Variants in HPSE2 observed in about 807,000 individuals in gnomAD.
HPSE2 encodes the protein inactive heparanase-2.
Under a neutral mutation model 60.5 loss-of-function variants are expected in HPSE2, and 38 were observed. The ratio of observed to expected loss-of-function variants is 0.63; its 90% CI spans 0.48 to 0.82. HPSE2 has a LOEUF of 0.82. Among genes scored for constraint, HPSE2 ranks in the 40% least tolerant of loss-of-function variants. HPSE2 has a pLI of 0.00. For missense variants in HPSE2, 713 were observed against 740.4 expected, an observed-to-expected ratio of 0.96 and a Z score of 0.43; for synonymous variants, 295 against 293.2, an observed-to-expected ratio of 1.01 and a Z score of -0.06.
intron 11 of HPSE2, among the ~76,000 whole-genome samples, chr10:98,460,056 T>C (rs1020015768): frequency 6.6e-6 from 1 of 152,132 alleles, no homozygotes; most frequent in Non-Finnish European, 1.5e-5. Context: ...TCTACCTCCA[T>C]AGACACATTT....
At chr10:98,654,349 C>G (rs1947001333) in intron 6 of HPSE2, among the ~76,000 whole-genome samples, 1 of 152,132 alleles carries the variant, frequency 6.6e-6, no homozygotes, top group South Asian at 2.1e-4. Context: ...TCTCCTTCTG[C>G]TATTCTAATT....
intron 2 of HPSE2, among the ~76,000 whole-genome samples, chr10:99,170,583 C>T (rs1279650736): frequency 6.6e-6 from 1 of 152,198 alleles, no homozygotes; most frequent in Non-Finnish European, 1.5e-5. Flanking sequence ...TTCATCGGTA[C>T]ACTAGAACTC....
At position 99,202,511 on chromosome 10, in the gene HPSE2, C is replaced by A. The variant is rs1848608522; in HGVS notation, c.448+29837G>T. Among the ~76,000 whole-genome samples, 3 of 152,110 alleles carry A rather than the reference C, an allele frequency of 2.0e-5. No homozygotes were observed. The South Asian group carries it at 6.2e-4, about 32-fold the overall frequency. On this transcript the variant is annotated intron_variant, in intron 2 of 11. Transcript: ENST00000370552. ...TAAAGCTGGGACAAGTTATTTAACC[C>A]CTGCTGAACTTCAGTTTCCTCATCT...
chr10:98,943,131 A>G (rs1204066527), intron 3 of HPSE2, among the ~76,000 whole-genome samples: 2 of 151,272 alleles, frequency 1.3e-5, no homozygotes, highest in Admixed American at 1.3e-4. Flanking sequence ...ACCTAATGCT[A>G]AATGACGAGT....
At chr10:99,210,967 G>A (rs1160489066) in intron 2 of HPSE2, among the ~76,000 whole-genome samples, 2 of 152,124 alleles carry the variant, frequency 1.3e-5, no homozygotes, top group South Asian at 4.1e-4. Flanking sequence ...TGGAAAGGAA[G>A]AAGTTAGACT....
intron 9 of HPSE2, among the ~76,000 whole-genome samples, chr10:98,490,404 C>T (rs1007753677): frequency 6.6e-6 from 1 of 152,154 alleles, no homozygotes; most frequent in African/African-American, 2.4e-5. Flanking sequence ...ATGAAATGGA[C>T]ACTGTCTAAA....
At chr10:98,504,922 A>G (rs1368395459) in intron 9 of HPSE2, among the ~76,000 whole-genome samples, 1 of 152,096 alleles carries the variant, frequency 6.6e-6, no homozygotes, top group Admixed American at 6.5e-5. Context: ...GCAATATATT[A>G]TTCAGTGTGT....
chr10:99,271,662 A>G, the HPSE2 span, among the ~76,000 whole-genome samples: 1 of 152,206 alleles, frequency 6.6e-6, no homozygotes, highest in East Asian at 1.9e-4. Flanking sequence ...ATTCATATGG[A>G]GCCAAAAAAG....
intron 6 of HPSE2, among the ~76,000 whole-genome samples, chr10:98,685,411 C>T (rs367874652): frequency 5.1e-4 from 78 of 152,182 alleles, no homozygotes; most frequent in African/African-American, 1.8e-3. Context: ...CCCTCATGCC[C>T]TTTCCTTCTC....
chr10:99,205,423 A>C (rs1848712573), intron 2 of HPSE2, among the ~76,000 whole-genome samples: 1 of 152,102 alleles, frequency 6.6e-6, no homozygotes, highest in Admixed American at 6.5e-5. Flanking sequence ...CTCTACCAAA[A>C]CTATAAAAAT....
intron 1 of HPSE2, among the ~76,000 whole-genome samples, chr10:99,235,101 TACACACACACAC>T (rs10630273): frequency 4.2e-4 from 62 of 147,598 alleles, no homozygotes; most frequent in Non-Finnish European, 6.8e-4. Flanking sequence ...CTGTCTCACA[TACACACACACAC>T]ACACACACAC....
At chr10:98,571,956 T>G (rs1200703020) in intron 9 of HPSE2, among the ~76,000 whole-genome samples, 3 of 151,264 alleles carry the variant, frequency 2.0e-5, no homozygotes, top group Non-Finnish European at 3.0e-5. Context: ...TTTTTTTTTT[T>G]GAGACGGAGT....
chr10:98,905,541 C>T (rs528292635), intron 3 of HPSE2, among the ~76,000 whole-genome samples: 1 of 152,222 alleles, frequency 6.6e-6, no homozygotes, highest in East Asian at 1.9e-4. Context: ...TGTTCAGGAT[C>T]CAGTGACTTC....
At chr10:99,182,839 A>G (rs1847828037) in intron 2 of HPSE2, among the ~76,000 whole-genome samples, 1 of 152,008 alleles carries the variant, frequency 6.6e-6, no homozygotes, top group Non-Finnish European at 1.5e-5. Context: ...TACTAAAAAT[A>G]CAAAACATTA....
chr10:98,493,949 T>A (rs1414512435), intron 9 of HPSE2, among the ~76,000 whole-genome samples: 1 of 152,202 alleles, frequency 6.6e-6, no homozygotes, highest in Non-Finnish European at 1.5e-5. Flanking sequence ...TTGTGCATAT[T>A]CTATAACTAT....
intron 3 of HPSE2, among the ~76,000 whole-genome samples, chr10:99,112,905 C>A (rs557418285): frequency 3.9e-5 from 6 of 152,098 alleles, no homozygotes; most frequent in African/African-American, 1.4e-4. Flanking sequence ...CCCACACCCA[C>A]GCAATCTCTA....
chr10:99,172,944 T>C (rs1253720901), intron 2 of HPSE2, among the ~76,000 whole-genome samples: 1 of 152,120 alleles, frequency 6.6e-6, no homozygotes, highest in Non-Finnish European at 1.5e-5. Context: ...GGGGATGACA[T>C]TTTCACCAAG....
At chr10:99,232,251 A>T in intron 2 of HPSE2, 97 bp downstream of exon 2, 1 of 1,370,392 alleles carries the variant, frequency 7.3e-7, no homozygotes, top group Non-Finnish European at 1.0e-6. Context: ...ACACACACAC[A>T]CACACGAACA....
intron 9 of HPSE2, among the ~76,000 whole-genome samples, chr10:98,514,888 T>G (rs1942546920): frequency 6.6e-6 from 1 of 151,766 alleles, no homozygotes; most frequent in Non-Finnish European, 1.5e-5. Context: ...CCGGCTATTT[T>G]TTTTTTTGTA....
Sources: allele counts gnomAD v4.1 joint callset (sites outside exome capture counted in the v4.1 genomes callset), GRCh38; gene constraint gnomAD v4.1.1; transcripts MANE v1.5; gene names NCBI Gene and HGNC (gene_info 2026-07-23, HGNC 2026-07-21).